Variants in MBTPS1 observed in about 807,000 individuals in gnomAD.
The protein encoded by MBTPS1 is membrane-bound transcription factor site-1 protease.
A neutral mutation model predicts 127.8 loss-of-function variants in MBTPS1; 94 were observed. The ratio of observed to expected loss-of-function variants is 0.74; its 90% CI spans 0.62 to 0.87. MBTPS1 has a LOEUF of 0.87. MBTPS1 is among the 40% of genes least tolerant of loss of function. MBTPS1 has a pLI of 0.00. For missense variants in MBTPS1, 1,636 were observed against 1,353.2 expected, an observed-to-expected ratio of 1.21 and a Z score of -3.28; for synonymous variants, 632 against 509.4, an observed-to-expected ratio of 1.24 and a Z score of -3.24.
intron 1 of MBTPS1, among the ~76,000 whole-genome samples, chr16:84,114,013 G>A (rs2086434747): frequency 6.7e-6 from 1 of 149,494 alleles, no homozygotes; most frequent in Non-Finnish European, 1.5e-5. Flanking sequence ...CCGCCAGGGT[G>A]GAGTGCAATG....
At chr16:84,066,976 G>T (rs964411186) in intron 16 of MBTPS1, among the ~76,000 whole-genome samples, 5 of 152,118 alleles carry the variant, frequency 3.3e-5, no homozygotes, top group Non-Finnish European at 7.4e-5. Flanking sequence ...AAACATAAAG[G>T]TGATTATGTT....
intron 1 of MBTPS1, among the ~76,000 whole-genome samples, chr16:84,114,276 G>A (rs117735872): frequency 1.3e-5 from 2 of 152,124 alleles, no homozygotes; most frequent in East Asian, 3.9e-4. Flanking sequence ...AGGTGTATTC[G>A]GGTGTATTCT....
chr16:84,093,893 C>G (rs373008011), intron 4 of MBTPS1, 72 bp from the exon 5 acceptor site: 1 of 1,090,412 alleles, frequency 9.2e-7, no homozygotes, highest in African/African-American at 1.5e-5. Flanking sequence ...CTATAAAATA[C>G]ATTCCTTCCT....
rs774346230 is a variant in MBTPS1 at position 84,101,611 on chromosome 16, A to T, written c.163+10T>A. The T allele has an allele frequency of 6.2e-7, 1 of 1,602,260 alleles. No individual in the cohort carries two copies. The highest frequency in any genetic ancestry group is 1.7e-5 in the Admixed American group (1 of 58,738). On this transcript the variant is annotated intron_variant, in intron 2 of 22. Coordinates refer to ENST00000343411, the MANE Select transcript of MBTPS1 (RefSeq NM_003791.4). ...ATGGGAGTTCCTAATACTTAAGACA[A>T]CATCATTACCATATTCCACAACTGT... is the stretch of plus-strand genomic sequence containing the variant.
At chr16:84,107,963 C>T (rs1481105038) in intron 1 of MBTPS1, among the ~76,000 whole-genome samples, 1 of 150,478 alleles carries the variant, frequency 6.6e-6, no homozygotes, top group African/African-American at 2.5e-5. Flanking sequence ...GCCTCAGCCT[C>T]TCAGAGTGTT....
At chr16:84,109,607 T>G (rs972938444) in intron 1 of MBTPS1, 1 of 152,076 alleles carries the variant, frequency 6.6e-6, no homozygotes, top group African/African-American at 2.4e-5. Flanking sequence ...ATGAGAAACA[T>G]CAGACCAACC....
At chr16:84,112,345 T>C (rs1016102413) in intron 1 of MBTPS1, among the ~76,000 whole-genome samples, 12 of 152,292 alleles carry the variant, frequency 7.9e-5, no homozygotes, top group African/African-American at 2.9e-4. Context: ...CTTTTATACT[T>C]AGATAAAACA....
In MBTPS1 at chr16:84,059,377, G is replaced by A. The variant is rs952345037; in HGVS notation, c.2756C>T (p.Pro919Leu). ...ACAGGCTGGTAGAGGCCGAGGTTTT[G>A]GGTCTCCCAAATGGGCCTCCAGAAC... ...SKVLEAHLGD[P>L]KPRPLPACPR... is the part of the protein sequence containing the mutation. The change falls in exon 21 of 23, where the codon CCA becomes CTA. Residue 919 changes from proline to leucine, a missense_variant. By Grantham distance (98) the Pro-to-Leu change is moderately conservative. Coordinates refer to ENST00000343411, the MANE Select transcript of MBTPS1 (RefSeq NM_003791.4). The A allele has an allele frequency of 6.2e-7, 1 of 1,614,152 alleles. No individual in the cohort carries two copies. The highest frequency in any genetic ancestry group is 1.7e-5 in the Admixed American group (1 of 60,028).
At chr16:84,077,260 A>G (rs1374685602) in intron 11 of MBTPS1, among the ~76,000 whole-genome samples, 7 of 148,300 alleles carry the variant, frequency 4.7e-5, no homozygotes, top group Non-Finnish European at 9.0e-5. Flanking sequence ...AGAGAGAGAG[A>G]AAAGAAAAGA....
chr16:84,087,561 C>T, intron 8 of MBTPS1, 101 bp from the exon 9 acceptor site: 1 of 731,140 alleles, frequency 1.4e-6, no homozygotes, highest in Admixed American at 2.6e-5. Context: ...ACTCCCAGAA[C>T]AATCTAACAC....
At chr16:84,111,992 G>C (rs866262482) in intron 1 of MBTPS1, among the ~76,000 whole-genome samples, 49 of 151,704 alleles carry the variant, frequency 3.2e-4, no homozygotes, top group African/African-American at 9.9e-4. Flanking sequence ...CTTGAGGCCA[G>C]GAGTTCAAGA....
At chr16:84,055,392 G>A (rs1193261901) in intron 22 of MBTPS1, among the ~76,000 whole-genome samples, 3 of 152,198 alleles carry the variant, frequency 2.0e-5, no homozygotes, top group African/African-American at 7.2e-5. Context: ...AGAGTACAGG[G>A]GACTCTAGAG....
chr16:84,067,758 C>A lies in MBTPS1; in HGVS notation c.2137G>T (p.Asp713Tyr), dbSNP rs2151145900. 1.1e-5 allele frequency: 18 copies of A among 1,614,042 alleles called. No homozygotes were observed. The highest frequency in any genetic ancestry group is 1.5e-5 in the Non-Finnish European group (18 of 1,179,892). Residue 713 changes from aspartate (D) to tyrosine (Y), a missense_variant, in exon 16 of 23, where the codon GAC (aspartate) becomes TAC (tyrosine). Coordinates refer to ENST00000343411, the MANE Select transcript of MBTPS1 (RefSeq NM_003791.4). The part of the protein sequence containing the change: ...FPEEIAKLRR[D>Y]VDNGLSLVIF... ...ACGAGCGAGAGGCCGTTGTCCACGT[C>A]CCTCCGGAGCTTGGCGATCTCTTCA...
intron 12 of MBTPS1, among the ~76,000 whole-genome samples, chr16:84,071,020 CA>C (rs920003118): frequency 6.6e-6 from 1 of 152,150 alleles, no homozygotes; most frequent in African/African-American, 2.4e-5. Flanking sequence ...TTTATGGAGA[CA>C]TTTTTTTTCT....
At chr16:84,115,358 G>C (rs1189264397) in intron 1 of MBTPS1, among the ~76,000 whole-genome samples, 7 of 152,270 alleles carry the variant, frequency 4.6e-5, no homozygotes, top group Middle Eastern at 3.4e-3. Flanking sequence ...TTGATTATAC[G>C]GGGTGCCTGG....
rs138568108 is a variant in MBTPS1 at position 84,089,846 on chromosome 16, T to G, written c.1031+1029A>C. On this transcript the variant is annotated intron_variant, in intron 8 of 22. Coordinates refer to ENST00000343411, the MANE Select transcript of MBTPS1 (RefSeq NM_003791.4). Reference sequence around the variant, plus strand: ...TGAACCGATGAGTGCCAGCCTTGAGTGGGGACATCAGAAATGGGAGGAACA... The same window carrying G: ...TGAACCGATGAGTGCCAGCCTTGAGGGGGGACATCAGAAATGGGAGGAACA... Among the ~76,000 whole-genome samples the G allele has an allele frequency of 6.6e-5, 10 of 152,156 alleles. No individual in the cohort carries two copies. In the East Asian group the frequency reaches 1.9e-3, roughly 29 times the overall value.
chr16:84,098,629 G>A (rs1445717272), intron 3 of MBTPS1, among the ~76,000 whole-genome samples: 1 of 151,872 alleles, frequency 6.6e-6, no homozygotes, highest in African/African-American at 2.4e-5. Context: ...TAAATAAAAA[G>A]GAAAAGAAAA....
intron 1 of MBTPS1, among the ~76,000 whole-genome samples, chr16:84,111,019 T>C (rs906622120): frequency 2.0e-5 from 3 of 152,186 alleles, no homozygotes; most frequent in Non-Finnish European, 4.4e-5. Flanking sequence ...CCTCCTGCAG[T>C]AGGCTGAAAA....
intron 1 of MBTPS1, among the ~76,000 whole-genome samples, chr16:84,112,633 GC>G (rs2086413250): frequency 7.1e-6 from 1 of 140,734 alleles, no homozygotes; most frequent in African/African-American, 2.6e-5. Flanking sequence ...CTGCACTCCA[GC>G]CCGGGCAACA....
Sources: allele counts gnomAD v4.1 joint callset (sites outside exome capture counted in the v4.1 genomes callset), GRCh38; gene constraint gnomAD v4.1.1; transcripts MANE v1.5; gene names NCBI Gene and HGNC (gene_info 2026-07-23, HGNC 2026-07-21).